The following ADCK1 variants were observed in gnomAD, a reference collection of about 807,000 sequenced individuals.
The protein encoded by ADCK1 is aarF domain containing kinase 1, also known as aarF domain-containing protein kinase 1.
A neutral mutation model predicts 52.3 loss-of-function variants in ADCK1; 41 were observed. The ratio of observed to expected loss-of-function variants is 0.78; its 90% CI spans 0.61 to 1.02. The LOEUF (loss-of-function observed/expected upper bound fraction) is 1.02. ADCK1 is among the 50% of genes least tolerant of loss of function. The pLI, the probability that ADCK1 is intolerant of heterozygous loss-of-function variation, is 0.00. For missense variants in ADCK1, 658 were observed against 679.5 expected, an observed-to-expected ratio of 0.97 and a Z score of 0.35; for synonymous variants, 250 against 274.6, an observed-to-expected ratio of 0.91 and a Z score of 0.89.
At chr14:77,930,036 T>A (rs2084290832) in intron 9 of ADCK1, among the ~76,000 whole-genome samples, 1 of 152,166 alleles carries the variant, frequency 6.6e-6, no homozygotes, top group Non-Finnish European at 1.5e-5. Flanking sequence ...CATCAGGATG[T>A]GTCTTAGCTG....
chr14:77,931,804 A>G, intron 10 of ADCK1, 93 bp downstream of exon 10: 1 of 1,361,500 alleles, frequency 7.3e-7, no homozygotes, highest in Non-Finnish European at 1.0e-6. Flanking sequence ...ACCAGTCTAC[A>G]GGGCCCTGCC....
intron 6 of ADCK1, among the ~76,000 whole-genome samples, chr14:77,903,897 T>TATTCTTTA (rs770437072): frequency 2.1e-4 from 32 of 152,196 alleles, no homozygotes; most frequent in Non-Finnish European, 4.6e-4. Flanking sequence ...GAGTGATTTA[T>TATTCTTTA]ATTCTTTAAT....
intron 7 of ADCK1, among the ~76,000 whole-genome samples, chr14:77,913,572 G>C (rs891009849): frequency 6.6e-6 from 1 of 152,230 alleles, no homozygotes; most frequent in Non-Finnish European, 1.5e-5. Context: ...CGGGCTGGGT[G>C]GCGCCTCCCC....
At chr14:77,815,062 T>C (rs1032759931) in intron 1 of ADCK1, among the ~76,000 whole-genome samples, 2 of 151,214 alleles carry the variant, frequency 1.3e-5, no homozygotes, top group Middle Eastern at 3.2e-3. Flanking sequence ...CTAATTTTTT[T>C]TTTTTTTTTT....
At chr14:77,841,285 A>G (rs987169328) in intron 3 of ADCK1, among the ~76,000 whole-genome samples, 1 of 152,096 alleles carries the variant, frequency 6.6e-6, no homozygotes, top group African/African-American at 2.4e-5. Context: ...ATGAGACGAG[A>G]GAGACTGGCA....
chr14:77,922,538 A>G (rs544825316), intron 7 of ADCK1, among the ~76,000 whole-genome samples: 6 of 152,306 alleles, frequency 3.9e-5, no homozygotes, highest in African/African-American at 1.2e-4. Context: ...TTACCTTCCC[A>G]GTGACCCCTG....
intron 3 of ADCK1, among the ~76,000 whole-genome samples, chr14:77,829,882 C>T (rs2081803503): frequency 6.6e-6 from 1 of 151,098 alleles, no homozygotes; most frequent in Admixed American, 6.6e-5. Flanking sequence ...AACATGTAGC[C>T]TTGGGGACAA....
rs1000882365 is a variant in ADCK1, at chr14:77,933,258, C to T, written c.1439C>T (p.Thr480Ile). The T allele has an allele frequency of 1.2e-6, 2 of 1,614,156 alleles. No homozygotes were observed. Among genetic ancestry groups the T allele is most frequent in the Admixed American group, 3.3e-5 (2 of 60,018 alleles). The change falls in exon 11 of 11, where the codon ACC becomes ATC. Residue 480 changes from threonine to isoleucine, a missense_variant. Thr to Ile is a moderately conservative substitution (Grantham distance 89). Coordinates refer to ENST00000238561, the MANE Select transcript of ADCK1 (RefSeq NM_020421.4). ...AATACCTGTTCATTCTTCAGAAGGA[C>T]CCAGATCTCTTTCAGCGAGGCCTTC... ...KKNTCSFFRRTQISFSEAFNL... is the reference protein window; with the variant it reads ...KKNTCSFFRRIQISFSEAFNL...
At chr14:77,928,346 T>C (rs1010591810) in intron 9 of ADCK1, among the ~76,000 whole-genome samples, 3 of 152,110 alleles carry the variant, frequency 2.0e-5, no homozygotes, top group Non-Finnish European at 4.4e-5. Context: ...AAAATACAAA[T>C]TTAAGAGTCT....
chr14:77,820,303 TG>T (rs1332449536), intron 2 of ADCK1, among the ~76,000 whole-genome samples: 1 of 80,328 alleles, frequency 1.2e-5, no homozygotes, highest in Non-Finnish European at 3.0e-5. Flanking sequence ...TTTTATTTTA[TG>T]ATATATATAT....
intron 4 of ADCK1, among the ~76,000 whole-genome samples, chr14:77,886,853 G>A (rs1450253403): frequency 6.6e-6 from 1 of 152,020 alleles, no homozygotes. Context: ...GCTGCAGTGA[G>A]CCAAGATCAT....
chr14:77,827,834 CT>C (rs33940923), intron 3 of ADCK1: 9,671 of 377,800 alleles, frequency 0.026, 1 homozygote, highest in South Asian at 0.046. Context: ...TTTTAAAAGG[CT>C]TTTTTTTTTT....
chr14:77,867,670 T>C (rs112906609), intron 4 of ADCK1, among the ~76,000 whole-genome samples: 48 of 152,336 alleles, frequency 3.2e-4, no homozygotes, highest in African/African-American at 1.1e-3. Flanking sequence ...TTGTGCTTCC[T>C]GCTGATGCCC....
intron 1 of ADCK1, among the ~76,000 whole-genome samples, chr14:77,813,910 G>C (rs2081386410): frequency 6.6e-6 from 1 of 151,548 alleles, no homozygotes; most frequent in Non-Finnish European, 1.5e-5. Flanking sequence ...TGAAACTAAA[G>C]ATGCATGCCA....
At chr14:77,838,227 G>A (rs533610081) in intron 3 of ADCK1, among the ~76,000 whole-genome samples, 4 of 152,112 alleles carry the variant, frequency 2.6e-5, no homozygotes, top group Admixed American at 6.5e-5. Context: ...CTGTAGAACC[G>A]TGAGACATAT....
intron 3 of ADCK1, among the ~76,000 whole-genome samples, chr14:77,849,875 T>C (rs1490601617): frequency 6.6e-6 from 1 of 152,230 alleles, no homozygotes; most frequent in African/African-American, 2.4e-5. Flanking sequence ...TGAGATCTGC[T>C]TTATGACTCA....
At chr14:77,839,937 A>AAT (rs2082033757) in intron 3 of ADCK1, among the ~76,000 whole-genome samples, 1 of 150,290 alleles carries the variant, frequency 6.7e-6, no homozygotes, top group Non-Finnish European at 1.5e-5. Flanking sequence ...AAAAAAAAAA[A>AAT]AAAAAGGAAA....
At position 77,933,433 on chromosome 14, in the gene ADCK1, C is replaced by T. The variant is rs756458469; in HGVS notation, c.*42C>T. The T allele has an allele frequency of 1.5e-5, 24 of 1,601,384 alleles. No individual in the cohort carries two copies. Among genetic ancestry groups the T allele is most frequent in the African/African-American group, 1.5e-4 (11 of 74,660 alleles). ...TGCCCCATTCTGGTGTCTTTCCACT[C>T]CTCAGCCCCTCATCTTGCCTCCACC... On this transcript the variant is annotated 3_prime_UTR_variant, in exon 11 of 11. Transcript: ENST00000238561.
At chr14:77,823,302 A>G (rs993945145) in intron 3 of ADCK1, among the ~76,000 whole-genome samples, 6 of 152,160 alleles carry the variant, frequency 3.9e-5, no homozygotes, top group African/African-American at 1.4e-4. Flanking sequence ...CAGGAATGCA[A>G]AGGAACCCCT....
Sources: gnomAD v4.1 joint callset for allele counts (sites outside exome capture counted in the v4.1 genomes callset) on GRCh38, gnomAD v4.1.1 for gene constraint, MANE v1.5 for transcripts, NCBI Gene and HGNC (gene_info 2026-07-23, HGNC 2026-07-21) for gene names.